FIRRM: variants seen among roughly 807,000 people sequenced by gnomAD.
FIRRM encodes the protein FIGNL1-interacting regulator of recombination and mitosis.
At chr1:169,807,101 C>T in the FIRRM span, among the ~76,000 whole-genome samples, 1 of 152,152 alleles carries the variant, frequency 6.6e-6, no homozygotes, top group Admixed American at 6.6e-5. Flanking sequence ...GAATAACAAC[C>T]TAATCCTCTG....
chr1:169,804,274 T>C, the FIRRM span: 2 of 1,347,894 alleles, frequency 1.5e-6, no homozygotes, highest in Non-Finnish European at 2.0e-6. Flanking sequence ...TAGTATATGG[T>C]GACTATAAAT....
the FIRRM span, among the ~76,000 whole-genome samples, chr1:169,816,941 AT>A: frequency 6.6e-6 from 1 of 152,334 alleles, no homozygotes; most frequent in East Asian, 1.9e-4. Flanking sequence ...AGTTAAGAAT[AT>A]TCATAAATAG....
chr1:169,852,938 TC>T, the FIRRM span: 1 of 1,614,112 alleles, frequency 6.2e-7, no homozygotes. Context: ...ATGGAGGCGC[TC>T]CAAGAAAGGA....
the FIRRM span, among the ~76,000 whole-genome samples, chr1:169,816,222 C>T: frequency 6.6e-6 from 1 of 152,098 alleles, no homozygotes; most frequent in Non-Finnish European, 1.5e-5. Flanking sequence ...CTGTTGGAAA[C>T]CAAGCTGATT....
the FIRRM span, chr1:169,804,284 T>C: frequency 1.6e-6 from 2 of 1,258,258 alleles, no homozygotes; most frequent in Non-Finnish European, 2.1e-6. Flanking sequence ...TGACTATAAA[T>C]CATGTATCAA....
the FIRRM span, among the ~76,000 whole-genome samples, chr1:169,801,777 C>CA: frequency 6.6e-6 from 1 of 152,034 alleles, no homozygotes; most frequent in Admixed American, 6.6e-5. Context: ...ACTTTGGTGC[C>CA]AAAATGAAAC....
the FIRRM span, among the ~76,000 whole-genome samples, chr1:169,814,983 G>A: frequency 5.9e-5 from 9 of 151,302 alleles, no homozygotes; most frequent in South Asian, 1.0e-3. Flanking sequence ...TTTGTAAAGC[G>A]AAAGCAAGTT....
the FIRRM span, chr1:169,850,577 C>T: frequency 7.9e-6 from 3 of 381,170 alleles, no homozygotes; most frequent in Non-Finnish European, 1.5e-5. Flanking sequence ...GTGGGTGGAT[C>T]ATGAGGTCAG....
At chr1:169,801,414 C>T in the FIRRM span, among the ~76,000 whole-genome samples, 2 of 130,954 alleles carry the variant, frequency 1.5e-5, no homozygotes, top group South Asian at 2.3e-4. Context: ...CATTGCACTC[C>T]AGCCTGGGCA....
At chr1:169,839,941 G>A in the FIRRM span, among the ~76,000 whole-genome samples, 3 of 152,114 alleles carry the variant, frequency 2.0e-5, no homozygotes, top group Admixed American at 1.3e-4. Flanking sequence ...TCTTCTGCAT[G>A]TAGGCTAGCT....
chr1:169,818,615 A>G, the FIRRM span, among the ~76,000 whole-genome samples: 1 of 152,216 alleles, frequency 6.6e-6, no homozygotes, highest in Non-Finnish European at 1.5e-5. Context: ...TTTATATTTC[A>G]TACACAATAC....
the FIRRM span, among the ~76,000 whole-genome samples, chr1:169,823,679 C>A: frequency 6.6e-6 from 1 of 151,528 alleles, no homozygotes; most frequent in Non-Finnish European, 1.5e-5. Flanking sequence ...TTTATTAGTA[C>A]CTTATACAGG....
chr1:169,842,694 A>G, the FIRRM span, among the ~76,000 whole-genome samples: 2 of 152,180 alleles, frequency 1.3e-5, no homozygotes, highest in African/African-American at 4.8e-5. Context: ...GTACTCTCTC[A>G]CGCAGCTTTT....
chr1:169,852,178 C>T, the FIRRM span: 5 of 543,858 alleles, frequency 9.2e-6, no homozygotes, highest in Non-Finnish European at 1.6e-5. Context: ...AGGGAAGTTA[C>T]ATATTGTACC....
At chr1:169,851,667 T>G in the FIRRM span, 1 of 853,990 alleles carries the variant, frequency 1.2e-6, no homozygotes. Flanking sequence ...TAATCCAGAT[T>G]ATACTAAGAG....
the FIRRM span, chr1:169,826,089 T>G: frequency 5.9e-6 from 2 of 337,568 alleles, no homozygotes; most frequent in South Asian, 2.6e-5. Flanking sequence ...TTTTCTTTTT[T>G]GAGATGGAGT....
At chr1:169,842,840 G>T in the FIRRM span, among the ~76,000 whole-genome samples, 1 of 152,084 alleles carries the variant, frequency 6.6e-6, no homozygotes, top group Non-Finnish European at 1.5e-5. Context: ...TCTGTCTTAG[G>T]TTAATGTATC....
the FIRRM span, among the ~76,000 whole-genome samples, chr1:169,832,718 C>T: frequency 6.6e-6 from 1 of 152,090 alleles, no homozygotes; most frequent in African/African-American, 2.4e-5. Context: ...ATCCTCCCAC[C>T]TCAGCCTCCT....
chr1:169,849,609 T>G, the FIRRM span: 2 of 1,593,986 alleles, frequency 1.3e-6, no homozygotes, highest in Non-Finnish European at 1.7e-6. Context: ...GCTGAGGTAA[T>G]TATAAAACTG....
Sources: gnomAD v4.1 joint callset for allele counts (sites outside exome capture counted in the v4.1 genomes callset) on GRCh38, gnomAD v4.1.1 for gene constraint, MANE v1.5 for transcripts, NCBI Gene and HGNC (gene_info 2026-07-23, HGNC 2026-07-21) for gene names.